PARVB: variants seen among roughly 807,000 people sequenced by gnomAD.
The protein encoded by PARVB is beta-parvin.
In PARVB, 46 loss-of-function variants were observed where a neutral mutation model predicts 47.0. The observed-to-expected ratio is 0.98, with a 90% CI of 0.77 to 1.25. The LOEUF is 1.25. PARVB is among the 50% of genes most tolerant of loss of function. PARVB has a pLI of 0.00. For synonymous variants in PARVB, 196 were observed against 196.3 expected (o/e 1.00, Z 0.01); for missense variants, 473 against 471.6 (o/e 1.00, Z -0.03).
chr22:44,087,892 A>G (rs555027698), intron 1 of PARVB, among the ~76,000 whole-genome samples: 1 of 137,460 alleles, frequency 7.3e-6, no homozygotes, highest in Non-Finnish European at 1.5e-5. Flanking sequence ...ACCTTGCCCA[A>G]TCTTTGGGTG....
rs778315332 is a variant in PARVB at position 44,136,475 on chromosome 22, C to T, written c.649C>T (p.Leu217=). The T allele has an allele frequency of 1.2e-6, 2 of 1,614,054 alleles. No individual in the cohort carries two copies. The highest frequency in any genetic ancestry group is 4.5e-5 in the East Asian group (2 of 44,870). Residue 217 remains leucine, a synonymous_variant, in exon 7 of 13, where the codon CTG becomes TTG. Coordinates refer to ENST00000338758, the MANE Select transcript of PARVB (RefSeq NM_013327.5). ...GGGTTTTCAGAAACGGGAAGGCCTG[C>T]TGCATTCCAGCCACATCTCGGAGGA... ...VVVVRKREGL[L]HSSHISEELT... is the part of the protein sequence containing the mutation.
At chr22:44,030,304 G>C (rs926514828) in intron 1 of PARVB, among the ~76,000 whole-genome samples, 6 of 152,244 alleles carry the variant, frequency 3.9e-5, no homozygotes, top group Non-Finnish European at 7.3e-5. Flanking sequence ...CCAGACTTGG[G>C]GTTTTGGGCC....
intron 4 of PARVB, among the ~76,000 whole-genome samples, chr22:44,120,664 A>T (rs1420074762): frequency 6.6e-6 from 1 of 152,080 alleles, no homozygotes; most frequent in Non-Finnish European, 1.5e-5. Flanking sequence ...CTGTTAAAAA[A>T]ACCACTTTTT....
chr22:44,066,243 A>G (rs1440044466), intron 1 of PARVB, among the ~76,000 whole-genome samples: 1 of 152,208 alleles, frequency 6.6e-6, no homozygotes, highest in African/African-American at 2.4e-5. Flanking sequence ...AGTGATGGCC[A>G]GTGAAGGGCC....
At chr22:44,100,189 C>T in intron 3 of PARVB, 66 bp downstream of exon 3, 3 of 1,263,170 alleles carry the variant, frequency 2.4e-6, no homozygotes, top group Non-Finnish European at 3.5e-6. Flanking sequence ...GGGTTCAGGG[C>T]TCTCATGGAC....
chr22:44,128,819 T>C (rs999482888), intron 4 of PARVB, among the ~76,000 whole-genome samples: 34 of 152,338 alleles, frequency 2.2e-4, no homozygotes, highest in African/African-American at 8.2e-4. Flanking sequence ...GGCTCACACC[T>C]GTAATCCCAG....
intron 11 of PARVB, among the ~76,000 whole-genome samples, chr22:44,159,683 A>G (rs1441960016): frequency 6.6e-6 from 1 of 152,164 alleles, no homozygotes; most frequent in Non-Finnish European, 1.5e-5. Context: ...AGCTGCTGGC[A>G]AGGTCTTCAT....
chr22:44,054,373 C>T (rs1165269248), intron 1 of PARVB, among the ~76,000 whole-genome samples: 1 of 152,184 alleles, frequency 6.6e-6, no homozygotes, highest in Non-Finnish European at 1.5e-5. Flanking sequence ...CACTACAACG[C>T]TTGGCTAACT....
At position 44,068,587 on chromosome 22, in the gene PARVB, A is replaced by T. The variant is rs1198869262; in HGVS notation, c.113-25341A>T. On this transcript the variant is annotated intron_variant, in intron 1 of 12. Transcript: ENST00000338758. The surrounding 1 kb of genome is among the most constrained non-coding windows in gnomAD (Gnocchi z 4.1). The stretch of plus-strand genomic sequence containing the variant: ...CTGTTGTCGTGGAAACGGGGTGGCA[A>T]GTGTTCCATGTGTTAGCATTTGGTC... Among the ~76,000 whole-genome samples the T allele has an allele frequency of 6.6e-6, 1 of 152,094 alleles. No homozygotes were observed. Among genetic ancestry groups the T allele is most frequent in the Non-Finnish European group, 1.5e-5 (1 of 68,028 alleles).
chr22:44,015,170 A>AT (rs2050562929), intron 2 of PARVB, among the ~76,000 whole-genome samples: 1 of 152,030 alleles, frequency 6.6e-6, no homozygotes, highest in Admixed American at 6.6e-5. Context: ...CAATTAAAAA[A>AT]AAAAAAAAGT....
Position 44,119,033 on chromosome 22 carries a change from T to C in PARVB, c.274-5T>C, listed in dbSNP as rs777921913. On this transcript the variant is annotated splice_polypyrimidine_tract_variant and splice_region_variant and intron_variant, in intron 3 of 12. Coordinates refer to ENST00000338758, the MANE Select transcript of PARVB (RefSeq NM_013327.5). ...CTGAGGCCATAATGCCTGCGTCTCC[T>C]GCAGGTCCTCCTCGACTGGATTAAT... The C allele has an allele frequency of 6.8e-6, 11 of 1,608,266 alleles. No homozygotes were observed. In the Admixed American group the frequency reaches 1.8e-4, roughly 27 times the overall value.
At chr22:44,143,852 G>A (rs2053608713) in intron 8 of PARVB, 1 of 152,388 alleles carries the variant, frequency 6.6e-6, no homozygotes, top group African/African-American at 2.4e-5. Context: ...CTCTTTCTGA[G>A]GCAGAGGGGA....
At chr22:44,111,866 G>A (rs2052706643) in intron 3 of PARVB, 1 of 151,980 alleles carries the variant, frequency 6.6e-6, no homozygotes, top group African/African-American at 2.4e-5. Context: ...AGCTCTGAGG[G>A]GGTGGAAGAG....
intron 11 of PARVB, among the ~76,000 whole-genome samples, chr22:44,162,038 G>A (rs577908520): frequency 1.3e-5 from 2 of 152,258 alleles, no homozygotes; most frequent in East Asian, 1.9e-4. Flanking sequence ...CCCTCCTGCC[G>A]GGCTGTGTCT....
rs899730857 is a variant in PARVB, at chr22:44,155,507, G to A, written c.844-2475G>A. 1.2e-4 allele frequency among the ~76,000 whole-genome samples: 19 copies of A among 152,188 alleles called. No homozygotes were observed. The highest frequency in any genetic ancestry group is 2.7e-4 in the African/African-American group (11 of 41,448). On this transcript the variant is annotated intron_variant, in intron 10 of 12. Transcript: ENST00000338758. This position sits in a 1 kb window ranked among gnomAD's most constrained non-coding sequence, Gnocchi z 4.8. ...GCTGGGACAGTGAGGAGACACCACG[G>A]AAGGAAGAAAAGACTCAGCAGGCTC...
In PARVB at chr22:44,136,445, T is replaced by G. The variant is rs372515275; in HGVS notation, c.634-15T>G. On this transcript the variant is annotated splice_polypyrimidine_tract_variant and intron_variant, in intron 6 of 12. Transcript: ENST00000338758. The stretch of plus-strand genomic sequence containing the variant: ...TCCACTGCCTGATTTTGTATGTTTA[T>G]TTTGGGGTTTTCAGAAACGGGAAGG... The G allele has an allele frequency of 1.9e-6, 3 of 1,613,048 alleles. No homozygotes were observed. The African/African-American group carries it at 4.0e-5, about 22-fold the overall frequency.
intron 1 of PARVB, among the ~76,000 whole-genome samples, chr22:44,079,386 C>T (rs1601570183): frequency 6.6e-6 from 1 of 152,188 alleles, no homozygotes; most frequent in Non-Finnish European, 1.5e-5. Context: ...ATCTGTGTCA[C>T]GTGTTCTTGG....
intron 11 of PARVB, among the ~76,000 whole-genome samples, chr22:44,160,869 C>T (rs2054035761): frequency 1.3e-5 from 2 of 152,262 alleles, no homozygotes; most frequent in Non-Finnish European, 2.9e-5. Context: ...ACTCTCCAGC[C>T]GTCTCTGAGT....
chr22:44,071,721 T>C (rs1449892509), intron 1 of PARVB, among the ~76,000 whole-genome samples: 1 of 152,250 alleles, frequency 6.6e-6, no homozygotes, highest in Non-Finnish European at 1.5e-5. Flanking sequence ...TGATTAGTGA[T>C]GGGTGTTTAT....
Sources: gnomAD v4.1 joint callset for allele counts (sites outside exome capture counted in the v4.1 genomes callset) on GRCh38, gnomAD v4.1.1 for gene constraint, Gnocchi (gnomAD v3.1) non-coding constraint, MANE v1.5 for transcripts, NCBI Gene and HGNC (gene_info 2026-07-23, HGNC 2026-07-21) for gene names.